Variants in SPMIP6 observed in about 807,000 individuals in gnomAD.
The protein encoded by SPMIP6 is sperm microtubule inner protein 6.
the SPMIP6 span, chr9:34,385,797 G>A: frequency 3.7e-6 from 6 of 1,609,720 alleles, no homozygotes; most frequent in Non-Finnish European, 5.1e-6. Context: ...CAAGGGGAGA[G>A]GAGAGAAGTG....
At chr9:34,397,610 G>A in the SPMIP6 span, 1 of 1,609,136 alleles carries the variant, frequency 6.2e-7, no homozygotes, top group Admixed American at 1.7e-5. Context: ...TAGGGGTCCT[G>A]GTCTTACGGG....
the SPMIP6 span, among the ~76,000 whole-genome samples, chr9:34,389,143 C>T: frequency 6.6e-6 from 1 of 151,930 alleles, no homozygotes; most frequent in Admixed American, 6.6e-5. Flanking sequence ...CCCTGTGTTT[C>T]CCAGGGTGGT....
the SPMIP6 span, chr9:34,382,743 G>A: frequency 6.3e-7 from 1 of 1,589,384 alleles, no homozygotes; most frequent in African/African-American, 1.3e-5. Flanking sequence ...TGTGCTGGGT[G>A]CAACAGATAC....
chr9:34,397,369 A>T, the SPMIP6 span: 4 of 1,037,916 alleles, frequency 3.9e-6, no homozygotes, highest in Middle Eastern at 2.1e-4. Context: ...ACCATTGTAA[A>T]TTCTGTGCCT....
the SPMIP6 span, chr9:34,382,985 G>A: frequency 1.3e-6 from 1 of 769,504 alleles, no homozygotes; most frequent in Non-Finnish European, 2.3e-6. Flanking sequence ...CTCACAGACT[G>A]TCCTCAAGCC....
the SPMIP6 span, among the ~76,000 whole-genome samples, chr9:34,385,420 T>C: frequency 3.3e-5 from 5 of 150,052 alleles, no homozygotes; most frequent in African/African-American, 1.2e-4. Context: ...TAGTCCCAGC[T>C]ACTCAGGAGG....
At chr9:34,389,579 C>T in the SPMIP6 span, among the ~76,000 whole-genome samples, 1 of 152,024 alleles carries the variant, frequency 6.6e-6, no homozygotes, top group African/African-American at 2.4e-5. Context: ...GAGGTTTCAC[C>T]ATATTGCCCA....
At chr9:34,380,809 G>A in the SPMIP6 span, 1 of 1,517,042 alleles carries the variant, frequency 6.6e-7, no homozygotes, top group Non-Finnish European at 8.9e-7. Flanking sequence ...GGCCTGCACG[G>A]AAGCTGGCCG....
chr9:34,384,267 A>C, the SPMIP6 span, among the ~76,000 whole-genome samples: 1 of 152,216 alleles, frequency 6.6e-6, no homozygotes, highest in Non-Finnish European at 1.5e-5. Context: ...TGAAGCTGTC[A>C]GTAATTAAAG....
At chr9:34,397,523 C>T in the SPMIP6 span, 1 of 1,614,170 alleles carries the variant, frequency 6.2e-7, no homozygotes, top group Non-Finnish European at 8.5e-7. Flanking sequence ...TGTTGGCTTC[C>T]CAGGCACACA....
At chr9:34,382,453 C>T in the SPMIP6 span, among the ~76,000 whole-genome samples, 2 of 152,066 alleles carry the variant, frequency 1.3e-5, no homozygotes, top group Non-Finnish European at 2.9e-5. Context: ...GATGTGATGG[C>T]GCATGCCTGT....
the SPMIP6 span, among the ~76,000 whole-genome samples, chr9:34,392,880 G>C: frequency 6.6e-6 from 1 of 152,208 alleles, no homozygotes; most frequent in Non-Finnish European, 1.5e-5. This position sits in a 1 kb window ranked among gnomAD's most constrained non-coding sequence, Gnocchi z 4.6. Flanking sequence ...GACCCAGAGA[G>C]GTTGAAGGAG....
At chr9:34,394,815 C>G in the SPMIP6 span, among the ~76,000 whole-genome samples, 1 of 152,090 alleles carries the variant, frequency 6.6e-6, no homozygotes, top group Non-Finnish European at 1.5e-5. Context: ...ACAATCCTGT[C>G]TTCTTAACTA....
chr9:34,381,722 CT>C, the SPMIP6 span: 3 of 1,344,438 alleles, frequency 2.2e-6, no homozygotes, highest in South Asian at 5.4e-5. The surrounding 1 kb of genome is among the most constrained non-coding windows in gnomAD (Gnocchi z 4.4). Context: ...GATTTTACCC[CT>C]CTTTGTCTAG....
the SPMIP6 span, among the ~76,000 whole-genome samples, chr9:34,395,486 T>C: frequency 2.6e-5 from 4 of 152,222 alleles, no homozygotes; most frequent in Non-Finnish European, 4.4e-5. Flanking sequence ...TGGCTTTTTT[T>C]CCTTTACCTA....
chr9:34,388,307 ATTTTT>A, the SPMIP6 span, among the ~76,000 whole-genome samples: 1 of 133,792 alleles, frequency 7.5e-6, no homozygotes, highest in Non-Finnish European at 1.6e-5. Flanking sequence ...CTCCCAGCTA[ATTTTT>A]TTTTTTTTTT....
the SPMIP6 span, among the ~76,000 whole-genome samples, chr9:34,385,330 G>A: frequency 2.0e-5 from 3 of 151,860 alleles, no homozygotes; most frequent in African/African-American, 7.3e-5. Context: ...TCAGAAGTTC[G>A]AGACCAGCCT....
chr9:34,388,937 T>C, the SPMIP6 span, among the ~76,000 whole-genome samples: 33 of 105,956 alleles, frequency 3.1e-4, no homozygotes, highest in African/African-American at 1.2e-3. Context: ...TCTTTCTTTT[T>C]TTTTTTTTTT....
the SPMIP6 span, among the ~76,000 whole-genome samples, chr9:34,386,898 C>T: frequency 1.3e-5 from 2 of 152,224 alleles, no homozygotes; most frequent in African/African-American, 4.8e-5. Flanking sequence ...CAGGTATCTG[C>T]AGGCAGCTGG....
Sources: allele counts gnomAD v4.1 joint callset (sites outside exome capture counted in the v4.1 genomes callset), GRCh38; gene constraint gnomAD v4.1.1; non-coding constraint Gnocchi (gnomAD v3.1); transcripts MANE v1.5; gene names NCBI Gene and HGNC (gene_info 2026-07-23, HGNC 2026-07-21).